The following F13A1 variants were observed in gnomAD, a reference collection of about 807,000 sequenced individuals.
F13A1 encodes the protein coagulation factor XIII A chain, also known as FSF, A subunit.
Under a neutral mutation model 80.1 loss-of-function variants are expected in F13A1, and 47 were observed. That is an observed-to-expected ratio of 0.59 (90% CI 0.46 to 0.75). The LOEUF is 0.75. Ranked by LOEUF, F13A1 falls within the 30% of genes least tolerant of loss-of-function variation. F13A1 has a pLI of 0.00. For synonymous variants in F13A1, 349 were observed against 344.9 expected (o/e 1.01, Z -0.13); for missense variants, 817 against 930.4 (o/e 0.88, Z 1.59).
At chr6:6,203,612 A>G (rs1761437221) in intron 8 of F13A1, among the ~76,000 whole-genome samples, 1 of 152,230 alleles carries the variant, frequency 6.6e-6, no homozygotes, top group Non-Finnish European at 1.5e-5. Context: ...ATTAGATGGG[A>G]CAACAGTCCC....
intron 3 of F13A1, among the ~76,000 whole-genome samples, chr6:6,302,511 A>G (rs1412798119): frequency 6.6e-6 from 1 of 152,212 alleles, no homozygotes; most frequent in African/African-American, 2.4e-5. Context: ...ATATATAAAC[A>G]TAGAAAAAGT....
chr6:6,182,168 C>G (rs1350829030), intron 10 of F13A1, 27 bp from the exon 11 acceptor site: 33 of 1,613,148 alleles, frequency 2.0e-5, no homozygotes, highest in Non-Finnish European at 2.8e-5. Context: ...AGAGCATTAG[C>G]CATCATCACA....
intron 8 of F13A1, chr6:6,206,297 T>A: frequency 5.6e-6 from 2 of 359,626 alleles, no homozygotes; most frequent in Admixed American, 7.5e-5. Context: ...AGGCGGTGCA[T>A]ACTTTATTAG....
Position 6,147,435 on chromosome 6 carries a change from T to C in F13A1, c.2046-1663A>G, listed in dbSNP as rs573610693. 1.3e-3 allele frequency among the ~76,000 whole-genome samples: 193 copies of C among 152,362 alleles called. 1 individual carries two copies. Among genetic ancestry groups the C allele is most frequent in the Middle Eastern group, 3.4e-3 (1 of 294 alleles). On this transcript the variant is annotated intron_variant, in intron 14 of 14. Coordinates refer to ENST00000264870, the MANE Select transcript of F13A1 (RefSeq NM_000129.4). Reference sequence around the variant, plus strand: ...CCTGGAAGTGTTCATGGAGGATTCATTGAACTCTTTGCAAGATAATTTAGG... The same window carrying C: ...CCTGGAAGTGTTCATGGAGGATTCACTGAACTCTTTGCAAGATAATTTAGG...
At chr6:6,247,481 A>C (rs930795856) in intron 6 of F13A1, among the ~76,000 whole-genome samples, 1 of 152,090 alleles carries the variant, frequency 6.6e-6, no homozygotes, top group African/African-American at 2.4e-5. Flanking sequence ...CTGGCTCTCC[A>C]TGTTGGGTAC....
At chr6:6,309,241 C>T (rs930536022) in intron 2 of F13A1, among the ~76,000 whole-genome samples, 2 of 152,152 alleles carry the variant, frequency 1.3e-5, no homozygotes, top group Admixed American at 6.5e-5. Context: ...AGTAAACGCA[C>T]AGCAGTAGAT....
chr6:6,269,673 G>A (rs1458464027), intron 3 of F13A1, among the ~76,000 whole-genome samples: 1 of 151,792 alleles, frequency 6.6e-6, no homozygotes, highest in Non-Finnish European at 1.5e-5. Flanking sequence ...TATAGTCTGC[G>A]GGCCAAATGT....
At chr6:6,207,537 T>A (rs746525167) in intron 8 of F13A1, among the ~76,000 whole-genome samples, 9 of 152,148 alleles carry the variant, frequency 5.9e-5, no homozygotes, top group Non-Finnish European at 1.3e-4. Context: ...AACTCTGACA[T>A]AGATAGCCAC....
At chr6:6,173,861 C>T in intron 12 of F13A1, among the ~76,000 whole-genome samples, 1 of 152,116 alleles carries the variant, frequency 6.6e-6, no homozygotes, top group East Asian at 1.9e-4. Flanking sequence ...CACAAACTCT[C>T]CTGTACACTC....
At chr6:6,252,390 T>C (rs1312262019) in intron 4 of F13A1, among the ~76,000 whole-genome samples, 3 of 152,192 alleles carry the variant, frequency 2.0e-5, no homozygotes, top group Non-Finnish European at 4.4e-5. Context: ...CATAAACACA[T>C]ACATACACAC....
At chr6:6,151,997 G>C in intron 13 of F13A1, 48 bp from the exon 14 acceptor site, 1 of 1,608,682 alleles carries the variant, frequency 6.2e-7, no homozygotes, top group South Asian at 1.1e-5. Context: ...ACCTCGTTCT[G>C]CTCTCTTGTT....
intron 6 of F13A1, among the ~76,000 whole-genome samples, chr6:6,228,669 G>A (rs924135389): frequency 1.1e-4 from 16 of 149,620 alleles, no homozygotes; most frequent in African/African-American, 3.7e-4. Flanking sequence ...GGGAGGCAGA[G>A]GTTGCAGTGA....
chr6:6,197,137 G>A (rs1039612052), intron 9 of F13A1, 86 bp downstream of exon 9: 65 of 1,278,112 alleles, frequency 5.1e-5, no homozygotes, highest in Admixed American at 2.7e-4. Flanking sequence ...CCCAATGGGC[G>A]TGGTTCCCAC....
At chr6:6,280,679 A>G (rs1037408499) in intron 3 of F13A1, among the ~76,000 whole-genome samples, 3 of 152,188 alleles carry the variant, frequency 2.0e-5, no homozygotes, top group African/African-American at 7.2e-5. Context: ...TTGCCTAATG[A>G]TGCCTTGTGG....
chr6:6,174,824 G>A lies in F13A1; in HGVS notation c.1503C>T (p.Tyr501=), dbSNP rs372036357. The A allele has an allele frequency of 5.0e-5, 81 of 1,614,004 alleles. No homozygotes were observed. The highest frequency in any genetic ancestry group is 5.8e-5 in the Non-Finnish European group (68 of 1,180,030). The change falls in exon 12 of 15, where the codon TAC becomes TAT. Residue 501 remains tyrosine, a synonymous_variant. Coordinates refer to ENST00000264870, the MANE Select transcript of F13A1 (RefSeq NM_000129.4). The stretch of plus-strand genomic sequence containing the variant: ...CTGTGTTGAGGGGCTTTTTAGCTCC[G>A]TACATCAGGGCAGTTTCTAGGGCCA... ...ERLALETALM[Y]GAKKPLNTEG... is the part of the protein sequence containing the mutation.
At chr6:6,297,958 C>T (rs571218354) in intron 3 of F13A1, among the ~76,000 whole-genome samples, 7 of 150,180 alleles carry the variant, frequency 4.7e-5, no homozygotes, top group South Asian at 2.1e-4. Context: ...TCTTTGTTCT[C>T]GTTGGTTTCA....
intron 6 of F13A1, among the ~76,000 whole-genome samples, chr6:6,238,684 TAAGAAA>T (rs754311606): frequency 6.8e-6 from 1 of 147,770 alleles, no homozygotes; most frequent in Non-Finnish European, 1.5e-5. Flanking sequence ...AATGACTGAA[TAAGAAA>T]ATCAGTAGAC....
At chr6:6,301,911 C>T (rs776242217) in intron 3 of F13A1, among the ~76,000 whole-genome samples, 7 of 152,196 alleles carry the variant, frequency 4.6e-5, no homozygotes, top group African/African-American at 1.4e-4. Context: ...TTGAGATCCA[C>T]GGGGGCCCTG....
intron 3 of F13A1, among the ~76,000 whole-genome samples, chr6:6,272,695 G>T (rs1757939003): frequency 6.6e-6 from 1 of 152,100 alleles, no homozygotes; most frequent in Admixed American, 6.5e-5. Context: ...AAAACCCATG[G>T]TCCTAAGATG....
Sources: allele counts gnomAD v4.1 joint callset (sites outside exome capture counted in the v4.1 genomes callset), GRCh38; gene constraint gnomAD v4.1.1; transcripts MANE v1.5; gene names NCBI Gene and HGNC (gene_info 2026-07-23, HGNC 2026-07-21).